The following WASF3 variants were observed in gnomAD, a reference collection of about 807,000 sequenced individuals.
The protein encoded by WASF3 is actin-binding protein WASF3.
WASF3 carries 11 observed loss-of-function variants against 46.6 expected under a neutral mutation model. The observed-to-expected ratio is 0.24, with a 90% CI of 0.15 to 0.39. WASF3 has a LOEUF of 0.39. Among genes scored for constraint, WASF3 ranks in the 10% least tolerant of loss-of-function variants. The pLI is 1.00. For synonymous variants in WASF3, 242 were observed against 259.7 expected (o/e 0.93, Z 0.65); for missense variants, 576 against 669.8 (o/e 0.86, Z 1.55).
intron 2 of WASF3, among the ~76,000 whole-genome samples, chr13:26,624,452 A>G (rs1165256661): frequency 6.6e-6 from 1 of 152,170 alleles, no homozygotes; most frequent in South Asian, 2.1e-4. Flanking sequence ...CCGAGCATCT[A>G]AGAACTATGG....
At chr13:26,546,323 T>C in the WASF3 span, among the ~76,000 whole-genome samples, 1 of 152,252 alleles carries the variant, frequency 6.6e-6, no homozygotes, top group Admixed American at 6.5e-5. Flanking sequence ...TTTTTGTTTG[T>C]TTGTTTCTGC....
At chr13:26,539,755 G>T in the WASF3 span, among the ~76,000 whole-genome samples, 5,307 of 152,202 alleles carry the variant, frequency 0.035, 289 homozygotes, top group African/African-American at 0.12. Flanking sequence ...CTTGGTCTTG[G>T]TCTGTTGTTG....
intron 6 of WASF3, among the ~76,000 whole-genome samples, chr13:26,676,288 G>GT (rs1235568222): frequency 6.6e-6 from 1 of 152,166 alleles, no homozygotes; most frequent in Non-Finnish European, 1.5e-5. Flanking sequence ...TCAAGTGAAA[G>GT]TTTTTTTACT....
At chr13:26,553,008 C>T (rs2138171387), upstream of WASF3, among the ~76,000 whole-genome samples, 1 of 152,296 alleles carries the variant, frequency 6.6e-6, no homozygotes, top group Admixed American at 6.5e-5. Flanking sequence ...AAGATTTTGA[C>T]CAGGCAAAGA....
At chr13:26,561,410 C>G (rs531494184) in intron 1 of WASF3, among the ~76,000 whole-genome samples, 2 of 152,134 alleles carry the variant, frequency 1.3e-5, no homozygotes, top group South Asian at 4.2e-4. Context: ...GGTGATGGCA[C>G]TGTCCTTAGG....
At chr13:26,644,550 C>T (rs545940190) in intron 3 of WASF3, among the ~76,000 whole-genome samples, 6 of 152,208 alleles carry the variant, frequency 3.9e-5, no homozygotes, top group South Asian at 4.2e-4. Context: ...AGGAATCACC[C>T]GAGAGATTGT....
intron 3 of WASF3, among the ~76,000 whole-genome samples, chr13:26,649,162 C>T (rs1341468981): frequency 1.3e-5 from 2 of 152,110 alleles, no homozygotes; most frequent in Admixed American, 1.3e-4. Flanking sequence ...TATCAGCAGC[C>T]TAAAGTAGTA....
intron 3 of WASF3, among the ~76,000 whole-genome samples, chr13:26,656,247 G>A (rs1262522035): frequency 2.6e-5 from 4 of 152,076 alleles, no homozygotes; most frequent in African/African-American, 9.7e-5. Flanking sequence ...GTTTTCCAAA[G>A]TAAAAAAAAG....
intron 2 of WASF3, among the ~76,000 whole-genome samples, chr13:26,627,593 TGTA>T (rs1881508054): frequency 6.6e-6 from 1 of 152,160 alleles, no homozygotes; most frequent in Non-Finnish European, 1.5e-5. Context: ...TGGTAGGTGT[TGTA>T]GTAATGAAGG....
At chr13:26,637,793 A>C (rs1290277950) in intron 2 of WASF3, among the ~76,000 whole-genome samples, 3 of 152,176 alleles carry the variant, frequency 2.0e-5, no homozygotes, top group African/African-American at 7.2e-5. Flanking sequence ...CTACCCTCCT[A>C]TCAGGATGGC....
chr13:26,546,799 G>A, the WASF3 span, among the ~76,000 whole-genome samples: 2 of 152,200 alleles, frequency 1.3e-5, no homozygotes, highest in Non-Finnish European at 2.9e-5. Flanking sequence ...GATTTGGCCC[G>A]CTGGCTCCAG....
chr13:26,633,219 T>TTTTTTTTTA (rs1881711782), intron 2 of WASF3, among the ~76,000 whole-genome samples: 1 of 138,858 alleles, frequency 7.2e-6, no homozygotes, highest in African/African-American at 2.7e-5. Flanking sequence ...TTTTTTTTCT[T>TTTTTTTTTA]GAGGCAGAGT....
chr13:26,564,228 C>G (rs922967735), intron 1 of WASF3, among the ~76,000 whole-genome samples: 5 of 152,226 alleles, frequency 3.3e-5, no homozygotes, highest in Admixed American at 6.5e-5. Flanking sequence ...ATCTTGCTAA[C>G]TAGTTCACAA....
At chr13:26,597,867 G>A (rs1476160533) in intron 1 of WASF3, among the ~76,000 whole-genome samples, 1 of 152,140 alleles carries the variant, frequency 6.6e-6, no homozygotes, top group East Asian at 1.9e-4. Flanking sequence ...GTCTATCATT[G>A]TTGGACATTT....
rs773214782 is a variant in WASF3 at position 26,681,051 on chromosome 13, C to T, written c.717-3C>T. The T allele has an allele frequency of 5.7e-6, 9 of 1,589,390 alleles. No homozygotes were observed. In the South Asian group the frequency reaches 1.0e-4, roughly 18 times the overall value. On this transcript the variant is annotated splice_region_variant and splice_polypyrimidine_tract_variant and intron_variant, in intron 7 of 9. Transcript: ENST00000335327. The stretch of plus-strand genomic sequence containing the variant: ...TCTCCCACCTCTTGTTTTCAAATGC[C>T]AGGTCACATGCATCGGACGTTACGG...
At chr13:26,683,583 T>C (rs1181258872) in intron 9 of WASF3, among the ~76,000 whole-genome samples, 1 of 151,900 alleles carries the variant, frequency 6.6e-6, no homozygotes, top group Non-Finnish European at 1.5e-5. Flanking sequence ...TGCATTCTGC[T>C]CTAAGGGGAA....
At chr13:26,670,184 G>A (rs1882889604) in intron 5 of WASF3, among the ~76,000 whole-genome samples, 1 of 152,166 alleles carries the variant, frequency 6.6e-6, no homozygotes, top group African/African-American at 2.4e-5. Context: ...CCATAAAAAA[G>A]AATGAGGTCA....
upstream of WASF3, among the ~76,000 whole-genome samples, chr13:26,554,188 G>A (rs939366390): frequency 6.0e-4 from 90 of 149,464 alleles, no homozygotes; most frequent in African/African-American, 2.0e-3. Flanking sequence ...TTGCAATGGT[G>A]TGAGCACAGC....
chr13:26,541,480 A>G, the WASF3 span, among the ~76,000 whole-genome samples: 1 of 152,184 alleles, frequency 6.6e-6, no homozygotes, highest in South Asian at 2.1e-4. Flanking sequence ...GGATCATATC[A>G]TGTAACAAGC....
Sources: allele counts gnomAD v4.1 joint callset (sites outside exome capture counted in the v4.1 genomes callset), GRCh38; gene constraint gnomAD v4.1.1; transcripts MANE v1.5; gene names NCBI Gene and HGNC (gene_info 2026-07-23, HGNC 2026-07-21).